The following NCOA2 variants were observed in gnomAD, a reference collection of about 807,000 sequenced individuals.
NCOA2 encodes the protein nuclear receptor coactivator 2, also known as class E basic helix-loop-helix protein 75.
In NCOA2, 21 loss-of-function variants were observed where a neutral mutation model predicts 145.1. The ratio of observed to expected loss-of-function variants is 0.14; its 90% CI spans 0.10 to 0.21. The LOEUF (loss-of-function observed/expected upper bound fraction) is 0.21. Among genes scored for constraint, NCOA2 ranks in the 10% least tolerant of loss-of-function variants. NCOA2 has a pLI of 1.00. For synonymous variants in NCOA2, 619 were observed against 637.5 expected (o/e 0.97, Z 0.44); for missense variants, 1,472 against 1,837.6 (o/e 0.80, Z 3.64).
chr8:70,192,520 C>T (rs778877189), intron 4 of NCOA2, among the ~76,000 whole-genome samples: 15 of 152,342 alleles, frequency 9.8e-5, no homozygotes, highest in Non-Finnish European at 2.1e-4. Flanking sequence ...GGGCCTGCCC[C>T]TCTGCTCCTA....
At position 70,145,485 on chromosome 8, in the gene NCOA2, G is replaced by C. The variant is rs147553177; in HGVS notation, c.2606-637C>G. Among the ~76,000 whole-genome samples the C allele has an allele frequency of 9.4e-3, 1,428 of 152,096 alleles. 135 individuals are homozygous for C. In the East Asian group the frequency reaches 0.2, roughly 22 times the overall value. ...GACTACAGCTGTGCCACCATGCCCA[G>C]CTAATTTTTGTATTTTTAGTAGAGA... On this transcript the variant is annotated intron_variant, in intron 12 of 22. Coordinates refer to ENST00000452400, the MANE Select transcript of NCOA2 (RefSeq NM_006540.4).
intron 1 of NCOA2, among the ~76,000 whole-genome samples, chr8:70,374,654 T>C (rs530214751): frequency 8.4e-4 from 127 of 151,736 alleles, no homozygotes; most frequent in African/African-American, 2.9e-3. Context: ...AATTTAAAAA[T>C]TAGCTGGGGC....
intron 1 of NCOA2, among the ~76,000 whole-genome samples, chr8:70,333,671 C>G (rs1350319309): frequency 2.0e-5 from 3 of 152,174 alleles, no homozygotes; most frequent in Non-Finnish European, 4.4e-5. Context: ...AAACCCAGTA[C>G]ACGTTAATGG....
the NCOA2 span, among the ~76,000 whole-genome samples, chr8:70,442,144 A>AAAGAAAGAAAGAAAGAAAG: frequency 7.8e-6 from 1 of 128,410 alleles, no homozygotes; most frequent in Non-Finnish European, 1.6e-5. Flanking sequence ...AGAAAGAAAG[A>AAAGAAAGAAAGAAAGAAAG]AAGAAAGAAA....
At chr8:70,313,865 A>G (rs1805323889) in intron 1 of NCOA2, among the ~76,000 whole-genome samples, 1 of 152,176 alleles carries the variant, frequency 6.6e-6, no homozygotes, top group African/African-American at 2.4e-5. Flanking sequence ...CATAAACAGA[A>G]AGTAAACTTC....
intron 2 of NCOA2, among the ~76,000 whole-genome samples, chr8:70,257,542 AGAG>A (rs1189954304): frequency 6.6e-6 from 1 of 152,234 alleles, no homozygotes; most frequent in African/African-American, 2.4e-5. Flanking sequence ...CAGGAGGATT[AGAG>A]AAGAGGGCAG....
chr8:70,303,598 A>G (rs1378040279), intron 1 of NCOA2, among the ~76,000 whole-genome samples: 1 of 152,220 alleles, frequency 6.6e-6, no homozygotes, highest in Non-Finnish European at 1.5e-5. Context: ...GATTGCTGTC[A>G]TTATCTTATA....
chr8:70,191,253 T>G (rs1816642844), intron 4 of NCOA2, among the ~76,000 whole-genome samples: 1 of 152,220 alleles, frequency 6.6e-6, no homozygotes, highest in Admixed American at 6.5e-5. Context: ...CAATTCTGAG[T>G]GACTACTATA....
At chr8:70,336,071 G>A (rs931514041) in intron 1 of NCOA2, among the ~76,000 whole-genome samples, 2 of 152,154 alleles carry the variant, frequency 1.3e-5, no homozygotes. Flanking sequence ...TGCTGGGTGA[G>A]TCAGTGAGTG....
rs1813642476 is a variant in NCOA2 at position 70,166,586 on chromosome 8, G to A, written c.710C>T (p.Ser237Phe). The change falls in exon 7 of 23, where the codon TCC (serine) becomes TTC (phenylalanine). Residue 237 changes from serine (S) to phenylalanine (F), a missense_variant. Physicochemically the swap from Ser to Phe is radical, Grantham distance 155. Transcript: ENST00000452400. ...MQCFAVSQPK[S>F]IKEEGEDLQS... The stretch of plus-strand genomic sequence containing the variant: ...CCCACCTTCTCCTTCTTCTTTGATG[G>A]ACTTTGGTTGAGAGACAGCGAAGCA... 6.2e-7 allele frequency: 1 copy of A among 1,613,846 alleles called. No homozygotes were observed. Among genetic ancestry groups the A allele is most frequent in the African/African-American group, 1.3e-5 (1 of 74,918 alleles).
chr8:70,254,620 T>C (rs1165289727), intron 2 of NCOA2, among the ~76,000 whole-genome samples: 1 of 149,776 alleles, frequency 6.7e-6, no homozygotes, highest in African/African-American at 2.5e-5. Flanking sequence ...AAAGATTGTA[T>C]GATTCCTCTT....
intron 4 of NCOA2, 97 bp from the exon 5 acceptor site, chr8:70,174,956 G>A (rs1198963051): frequency 3.3e-5 from 37 of 1,120,978 alleles, no homozygotes; most frequent in Admixed American, 3.0e-4. Context: ...AAAATCTCTA[G>A]TGGGATCAGA....
intron 5 of NCOA2, among the ~76,000 whole-genome samples, chr8:70,172,012 A>G (rs1411666854): frequency 6.6e-6 from 1 of 152,016 alleles, no homozygotes; most frequent in Non-Finnish European, 1.5e-5. Context: ...TTTTGTAATG[A>G]TGGGGTCTCC....
chr8:70,251,699 A>G (rs1277941710), intron 2 of NCOA2, among the ~76,000 whole-genome samples: 1 of 152,268 alleles, frequency 6.6e-6, no homozygotes, highest in African/African-American at 2.4e-5. Context: ...CAAGAATTTG[A>G]TTCAGTATTA....
At chr8:70,336,202 G>A (rs1034213858) in intron 1 of NCOA2, among the ~76,000 whole-genome samples, 20 of 152,036 alleles carry the variant, frequency 1.3e-4, no homozygotes, top group Non-Finnish European at 2.2e-4. Context: ...AATGCACTGG[G>A]CTAAGACATA....
chr8:70,308,172 A>C (rs1246828038), intron 1 of NCOA2, among the ~76,000 whole-genome samples: 1 of 152,196 alleles, frequency 6.6e-6, no homozygotes, highest in African/African-American at 2.4e-5. Flanking sequence ...ATCCTTTTTT[A>C]TAAAGCTAAA....
chr8:70,288,657 C>T (rs1205206329), intron 2 of NCOA2, among the ~76,000 whole-genome samples: 2 of 150,912 alleles, frequency 1.3e-5, no homozygotes, highest in African/African-American at 2.4e-5. Context: ...ACACACATTA[C>T]GGTTTAAAGG....
At chr8:70,179,780 C>T (rs917908801) in intron 4 of NCOA2, among the ~76,000 whole-genome samples, 5 of 152,074 alleles carry the variant, frequency 3.3e-5, no homozygotes, top group African/African-American at 1.2e-4. Context: ...ATGATCAAAA[C>T]CTTATGAAAT....
chr8:70,155,001 T>C (rs1812128351), intron 11 of NCOA2, among the ~76,000 whole-genome samples: 1 of 152,224 alleles, frequency 6.6e-6, no homozygotes, highest in African/African-American at 2.4e-5. Flanking sequence ...CATTCCAGGA[T>C]ATGGATTTCA....
Sources: gnomAD v4.1 joint callset for allele counts (sites outside exome capture counted in the v4.1 genomes callset) on GRCh38, gnomAD v4.1.1 for gene constraint, MANE v1.5 for transcripts, NCBI Gene and HGNC (gene_info 2026-07-23, HGNC 2026-07-21) for gene names.